Variants in BCAS3 observed in about 807,000 individuals in gnomAD.
BCAS3 encodes the protein BCAS4/BCAS3 fusion.
Under a neutral mutation model 116.1 loss-of-function variants are expected in BCAS3, and 53 were observed. The observed-to-expected ratio is 0.46, with a 90% CI of 0.37 to 0.57. The LOEUF (loss-of-function observed/expected upper bound fraction) is 0.57. Ranked by LOEUF, BCAS3 falls within the 20% of genes least tolerant of loss-of-function variation. The pLI, the probability that BCAS3 is intolerant of heterozygous loss-of-function variation, is 0.00. For synonymous variants in BCAS3, 391 were observed against 408.2 expected, an observed-to-expected ratio of 0.96 and a Z score of 0.51; for missense variants, 917 against 1,165.4, an observed-to-expected ratio of 0.79 and a Z score of 3.10.
chr17:61,089,486 T>TTTC (rs541555522), intron 22 of BCAS3, among the ~76,000 whole-genome samples: 1 of 149,704 alleles, frequency 6.7e-6, no homozygotes. Context: ...TTTTTTTTTT[T>TTTC]TTCTTCGAGA....
At chr17:60,823,096 C>T (rs555149733) in intron 7 of BCAS3, among the ~76,000 whole-genome samples, 1 of 152,220 alleles carries the variant, frequency 6.6e-6, no homozygotes. Context: ...TCTCATACAG[C>T]AATAGATACA....
At position 61,256,361 on chromosome 17, in the gene BCAS3, C is replaced by T. The variant is rs1377855372; in HGVS notation, c.2426-111966C>T. ...CTCTCTCGCCCAGGCTGGAGTGCAG[C>T]GGTGTGATCAAGGCTCACTGCAACC... On this transcript the variant is annotated intron_variant, in intron 22 of 23. Coordinates refer to ENST00000407086, the MANE Select transcript of BCAS3 (RefSeq NM_017679.5). The surrounding 1 kb of genome is among the most constrained non-coding windows in gnomAD (Gnocchi z 5.6). 2.0e-5 allele frequency among the ~76,000 whole-genome samples: 3 copies of T among 151,906 alleles called. No homozygotes were observed. Among genetic ancestry groups the T allele is most frequent in the African/African-American group, 4.8e-5 (2 of 41,330 alleles).
intron 4 of BCAS3, among the ~76,000 whole-genome samples, chr17:60,690,780 C>T (rs1266631532): frequency 6.6e-6 from 1 of 151,176 alleles, no homozygotes; most frequent in African/African-American, 2.4e-5. Flanking sequence ...ATTAGTCGGG[C>T]ATAGTGGCAC....
At chr17:60,862,453 T>C (rs2054237118) in intron 7 of BCAS3, among the ~76,000 whole-genome samples, 1 of 152,196 alleles carries the variant, frequency 6.6e-6, no homozygotes, top group South Asian at 2.1e-4. Context: ...TTTTTCTCAT[T>C]GGTAGGTTTT....
chr17:61,171,121 G>A lies in BCAS3; in HGVS notation c.2425+86557G>A, dbSNP rs1462584816. On this transcript the variant is annotated intron_variant, in intron 22 of 23. Coordinates refer to ENST00000407086, the MANE Select transcript of BCAS3 (RefSeq NM_017679.5). This position sits in a 1 kb window ranked among gnomAD's most constrained non-coding sequence, Gnocchi z 4.1. The stretch of plus-strand genomic sequence containing the variant: ...TTGCTTAAAAAAAAGCAAGACCCAC[G>A]GCACCTCCTAATTAAGTCGCTTATA... Among the ~76,000 whole-genome samples, 1 of 151,974 alleles carries A rather than the reference G, an allele frequency of 6.6e-6. No individual in the cohort carries two copies. Among genetic ancestry groups the A allele is most frequent in the African/African-American group, 2.4e-5 (1 of 41,366 alleles).
chr17:61,232,725 C>G (rs1404692738), intron 22 of BCAS3, among the ~76,000 whole-genome samples: 1 of 152,176 alleles, frequency 6.6e-6, no homozygotes, highest in Non-Finnish European at 1.5e-5. Context: ...TGATTGATCT[C>G]TCTTCTCATT....
At chr17:61,125,129 A>G (rs1471421405) in intron 22 of BCAS3, among the ~76,000 whole-genome samples, 1 of 152,260 alleles carries the variant, frequency 6.6e-6, no homozygotes, top group Non-Finnish European at 1.5e-5. Flanking sequence ...CAGAAGAACT[A>G]GAGATTTTCT....
chr17:60,733,307 G>A (rs1267800626), intron 5 of BCAS3, among the ~76,000 whole-genome samples: 1 of 152,150 alleles, frequency 6.6e-6, no homozygotes, highest in Non-Finnish European at 1.5e-5. Context: ...ATGATCTGGT[G>A]TATTTTTCAT....
At chr17:61,321,790 G>T (rs1308324893) in intron 22 of BCAS3, among the ~76,000 whole-genome samples, 1 of 152,126 alleles carries the variant, frequency 6.6e-6, no homozygotes, top group Non-Finnish European at 1.5e-5. Flanking sequence ...GAAATGAGGG[G>T]ATAGTGGGGA....
chr17:60,704,939 G>A (rs1029524994), intron 4 of BCAS3, among the ~76,000 whole-genome samples: 1 of 152,008 alleles, frequency 6.6e-6, no homozygotes, highest in Non-Finnish European at 1.5e-5. Flanking sequence ...CTTGCCCCCA[G>A]ACACGGTGTC....
rs1567849303 is a variant in BCAS3, at chr17:60,911,119, C to CTTT, written c.993+418_993+420dup. Among the ~76,000 whole-genome samples, 243 of 35,200 alleles carry CTTT rather than the reference C, an allele frequency of 6.9e-3. 3 individuals are homozygous for CTTT. Among genetic ancestry groups the CTTT allele is most frequent in the African/African-American group, 0.018 (210 of 11,790 alleles). The allele number at this position is 35,200 out of a possible 152,430, so 23.1% of individuals were successfully genotyped here. ...GATTAATAAATTTTTTTCTTTTTTT[C>CTTT]TTTCTTTTTTTTTTTTTTTTTGAGA... On this transcript the variant is annotated intron_variant, in intron 12 of 23. Coordinates refer to ENST00000407086, the MANE Select transcript of BCAS3 (RefSeq NM_017679.5).
chr17:61,283,496 C>T (rs2051427234), intron 22 of BCAS3, among the ~76,000 whole-genome samples: 1 of 151,616 alleles, frequency 6.6e-6, no homozygotes, highest in Non-Finnish European at 1.5e-5. Flanking sequence ...CTCTGTCGCC[C>T]AGGCTAGAGT....
At chr17:60,779,040 G>T (rs917856389) in intron 6 of BCAS3, among the ~76,000 whole-genome samples, 1 of 151,968 alleles carries the variant, frequency 6.6e-6, no homozygotes, top group African/African-American at 2.4e-5. Context: ...TTCTTAATTT[G>T]TCTTAATGCA....
At chr17:61,262,387 T>A (rs1279365487) in intron 22 of BCAS3, among the ~76,000 whole-genome samples, 1 of 152,054 alleles carries the variant, frequency 6.6e-6, no homozygotes, top group Non-Finnish European at 1.5e-5. Context: ...GGAGACTTTT[T>A]TTTTTTTTTT....
At chr17:60,921,107 CAT>C (rs1190190406) in intron 12 of BCAS3, among the ~76,000 whole-genome samples, 1 of 152,054 alleles carries the variant, frequency 6.6e-6, no homozygotes, top group Non-Finnish European at 1.5e-5. Context: ...CAAAAAGAGA[CAT>C]GTATATTAAT....
chr17:60,688,584 C>T (rs1193095879), intron 3 of BCAS3, among the ~76,000 whole-genome samples: 4 of 152,008 alleles, frequency 2.6e-5, no homozygotes, highest in East Asian at 3.9e-4. Flanking sequence ...GATGCCGAGG[C>T]GGGGCGGATC....
rs1203757493 is a variant in BCAS3, at chr17:61,337,308, C to T, written c.2426-31019C>T. Among the ~76,000 whole-genome samples, 1 of 152,148 alleles carries T rather than the reference C, an allele frequency of 6.6e-6. No homozygotes were observed. The highest frequency in any genetic ancestry group is 1.9e-4 in the East Asian group (1 of 5,188). ...TTATTGGTGGAGAGCACTGGTGTTC[C>T]TGGCTAATGTGGGGTCTGTGATTCA... is the stretch of plus-strand genomic sequence containing the variant. On this transcript the variant is annotated intron_variant, in intron 22 of 23. Transcript: ENST00000407086. The surrounding 1 kb of genome is among the most constrained non-coding windows in gnomAD (Gnocchi z 4.8).
At position 61,333,090 on chromosome 17, in the gene BCAS3, T is replaced by G. The variant is rs1315987242; in HGVS notation, c.2426-35237T>G. Among the ~76,000 whole-genome samples the G allele has an allele frequency of 1.3e-5, 2 of 152,252 alleles. No individual in the cohort carries two copies. The highest frequency in any genetic ancestry group is 1.5e-5 in the Non-Finnish European group (1 of 68,046). On this transcript the variant is annotated intron_variant, in intron 22 of 23. Coordinates refer to ENST00000407086, the MANE Select transcript of BCAS3 (RefSeq NM_017679.5). This position sits in a 1 kb window ranked among gnomAD's most constrained non-coding sequence, Gnocchi z 4.8. ...TGGAGGTTCCACAAGCCCTTTCTCA[T>G]AGACCCCAGCAAGGTGCTTTCTCCC...
At chr17:60,914,305 A>G (rs865932780) in intron 12 of BCAS3, among the ~76,000 whole-genome samples, 1 of 152,188 alleles carries the variant, frequency 6.6e-6, no homozygotes, top group East Asian at 1.9e-4. Context: ...GATTCTTCCA[A>G]AAGTATCTGG....
Sources: allele counts gnomAD v4.1 joint callset (sites outside exome capture counted in the v4.1 genomes callset), GRCh38; gene constraint gnomAD v4.1.1; non-coding constraint Gnocchi (gnomAD v3.1); transcripts MANE v1.5; gene names NCBI Gene and HGNC (gene_info 2026-07-23, HGNC 2026-07-21).